IRAK2: variants seen among roughly 807,000 people sequenced by gnomAD.
IRAK2 encodes the protein interleukin-1 receptor-associated kinase-like 2.
Under a neutral mutation model 72.0 loss-of-function variants are expected in IRAK2, and 57 were observed. That is an observed-to-expected ratio of 0.79 (90% confidence interval 0.64 to 0.99). The LOEUF (loss-of-function observed/expected upper bound fraction) is 0.99, where lower values mean the gene tolerates loss of function less well. IRAK2 is among the 50% of genes least tolerant of loss of function. IRAK2 has a pLI of 0.00. For synonymous variants in IRAK2, 293 were observed against 312.7 expected (o/e 0.94, Z 0.67); for missense variants, 790 against 794.4 (o/e 0.99, Z 0.07).
At chr3:10,241,908 G>C (rs900061351) in intron 12 of IRAK2, among the ~76,000 whole-genome samples, 5 of 149,476 alleles carry the variant, frequency 3.3e-5, no homozygotes, top group African/African-American at 1.2e-4. Context: ...GTGAGGTCAA[G>C]GTTGCCTTGA....
intron 3 of IRAK2, among the ~76,000 whole-genome samples, chr3:10,201,674 C>T (rs1281516520): frequency 6.6e-6 from 1 of 152,226 alleles, no homozygotes; most frequent in East Asian, 1.9e-4. Flanking sequence ...AATGGCTCAG[C>T]CAGCAGATGA....
rs186197318 is a variant in IRAK2, at chr3:10,240,413, C to T, written c.1765+1374C>T. Among the ~76,000 whole-genome samples, 663 of 150,386 alleles carry T rather than the reference C, an allele frequency of 4.4e-3. 6 individuals carry two copies. The highest frequency in any genetic ancestry group is 0.015 in the African/African-American group (628 of 40,844). Reference sequence around the variant, plus strand: ...TGGAGGCTGCAGTGAGCCGAGATTGCACCACTGCACTCCAGCCTGGGTGAC... The same window carrying T: ...TGGAGGCTGCAGTGAGCCGAGATTGTACCACTGCACTCCAGCCTGGGTGAC... On this transcript the variant is annotated intron_variant, in intron 12 of 12. Coordinates refer to ENST00000256458, the MANE Select transcript of IRAK2 (RefSeq NM_001570.4).
At chr3:10,225,744 G>T (rs1291170146) in intron 9 of IRAK2, among the ~76,000 whole-genome samples, 1 of 151,224 alleles carries the variant, frequency 6.6e-6, no homozygotes, top group East Asian at 1.9e-4. Flanking sequence ...TGTCGCCCAG[G>T]CTGGAGTGCA....
Position 10,177,997 on chromosome 3 carries a change from G to C in IRAK2, c.254G>C (p.Arg85Pro). ...CTCCTGTGCCGCCTGGAGCTCTACC[G>C]GGCTGCCCAGATCATCCTGAACTGT... is the stretch of plus-strand genomic sequence containing the variant. ...VDLLCRLELY[R>P]AAQIILNWKP... Residue 85 changes from arginine to proline, a missense_variant, in exon 2 of 13, where the codon CGG becomes CCG. Physicochemically the swap from Arg to Pro is moderately radical, Grantham distance 103 (BLOSUM62 -2). Coordinates refer to ENST00000256458, the MANE Select transcript of IRAK2 (RefSeq NM_001570.4). The C allele has an allele frequency of 1.2e-6, 2 of 1,611,162 alleles. No homozygotes were observed. Among genetic ancestry groups the C allele is most frequent in the Non-Finnish European group, 1.7e-6 (2 of 1,178,830 alleles).
intron 3 of IRAK2, among the ~76,000 whole-genome samples, chr3:10,204,664 G>A (rs1310781501): frequency 6.6e-6 from 1 of 152,094 alleles, no homozygotes; most frequent in Non-Finnish European, 1.5e-5. Flanking sequence ...CAGGAGAATT[G>A]CTTGAACCTG....
chr3:10,168,141 G>A (rs1423605245), intron 1 of IRAK2, among the ~76,000 whole-genome samples: 1 of 152,058 alleles, frequency 6.6e-6, no homozygotes, highest in East Asian at 1.9e-4. Flanking sequence ...TTCTAAAGTG[G>A]CTGAACCACC....
intron 1 of IRAK2, among the ~76,000 whole-genome samples, chr3:10,166,940 G>A (rs1339913540): frequency 6.6e-6 from 1 of 152,158 alleles, no homozygotes; most frequent in Non-Finnish European, 1.5e-5. Flanking sequence ...CACTGCTCCT[G>A]GACCTGGCTT....
chr3:10,240,636 G>T (rs1698043271), intron 12 of IRAK2, among the ~76,000 whole-genome samples: 1 of 129,348 alleles, frequency 7.7e-6, no homozygotes, highest in Admixed American at 9.3e-5. Flanking sequence ...CTTGGCTTAT[G>T]GCAGCCTCCG....
At chr3:10,190,510 G>A (rs1035251374) in intron 2 of IRAK2, among the ~76,000 whole-genome samples, 7 of 151,968 alleles carry the variant, frequency 4.6e-5, no homozygotes, top group African/African-American at 1.7e-4. Context: ...TTCCTTCCAT[G>A]CATTCATTAT....
chr3:10,171,106 G>A (rs537469239), intron 1 of IRAK2, among the ~76,000 whole-genome samples: 8 of 152,352 alleles, frequency 5.3e-5, no homozygotes, highest in African/African-American at 1.2e-4. Context: ...TCTTGTCTCC[G>A]TGATGGCAGC....
chr3:10,235,543 G>A (rs1226912609), intron 11 of IRAK2, among the ~76,000 whole-genome samples: 1 of 152,156 alleles, frequency 6.6e-6, no homozygotes, highest in South Asian at 2.1e-4. Context: ...TTTTCAAGTG[G>A]TGTTGGGCAC....
intron 4 of IRAK2, among the ~76,000 whole-genome samples, chr3:10,212,292 T>G (rs1053817158): frequency 2.6e-5 from 4 of 151,152 alleles, no homozygotes; most frequent in Non-Finnish European, 2.9e-5. Flanking sequence ...ACATTATGAG[T>G]TTTTTTTGCA....
chr3:10,200,640 T>C lies in IRAK2; in HGVS notation c.424+125T>C, dbSNP rs913915458. ...GAGGCTGAGCATGGTGGCCCATGCC[T>C]ATAATCCCAGCTCCGTGAGGCTGAG... On this transcript the variant is annotated intron_variant, in intron 3 of 12. Coordinates refer to ENST00000256458, the MANE Select transcript of IRAK2 (RefSeq NM_001570.4). The C allele has an allele frequency of 5.3e-6, 4 of 761,258 alleles. No individual in the cohort carries two copies. In the South Asian group the frequency reaches 8.1e-5, roughly 15 times the overall value. 47.2% of individuals were successfully genotyped at this position (761,258 alleles called of 1,614,324 possible).
chr3:10,169,839 A>G (rs749874033), intron 1 of IRAK2, among the ~76,000 whole-genome samples: 36 of 152,368 alleles, frequency 2.4e-4, no homozygotes, highest in Middle Eastern at 6.8e-3. Context: ...AAATTATAAG[A>G]GTATAAATGT....
At chr3:10,205,745 A>G (rs1453185601) in intron 3 of IRAK2, among the ~76,000 whole-genome samples, 1 of 152,228 alleles carries the variant, frequency 6.6e-6, no homozygotes, top group East Asian at 1.9e-4. Context: ...CATGGATATT[A>G]CTGTTTAACA....
rs202108233 is a variant in IRAK2, at chr3:10,167,522, C to T, written c.94+2474C>T. 2.5e-3 allele frequency among the ~76,000 whole-genome samples: 381 copies of T among 151,976 alleles called. 7 individuals carry two copies. In the South Asian group the frequency reaches 0.032, roughly 13 times the overall value. On this transcript the variant is annotated intron_variant, in intron 1 of 12. Coordinates refer to ENST00000256458, the MANE Select transcript of IRAK2 (RefSeq NM_001570.4). ...CTCCACCTCCTGGGTTCATGCCATT[C>T]TCCTGCTTCAGCCTCCCTAGCAGCT...
Position 10,165,432 on chromosome 3 carries a change from G to GTGT in IRAK2, c.94+384_94+385insTGT, listed in dbSNP as rs1171297125. On this transcript the variant is annotated intron_variant, in intron 1 of 12. Transcript: ENST00000256458. ...CCACGGTGCTGTCACTTCTTGGGGG[G>GTGT]GTGTGTGTGTGTGTGTGTGTGGTGT... Among the ~76,000 whole-genome samples, 841 of 145,724 alleles carry GTGT rather than the reference G, an allele frequency of 5.8e-3. 13 individuals carry two copies. The East Asian group carries it at 0.071, about 12-fold the overall frequency.
intron 12 of IRAK2, among the ~76,000 whole-genome samples, chr3:10,239,883 A>G (rs1698025230): frequency 6.6e-6 from 1 of 152,008 alleles, no homozygotes; most frequent in Non-Finnish European, 1.5e-5. Flanking sequence ...GCGGTGGCTC[A>G]TGCCTGTAAT....
chr3:10,190,189 C>G (rs1321181880), intron 2 of IRAK2, among the ~76,000 whole-genome samples: 2 of 149,514 alleles, frequency 1.3e-5, no homozygotes, highest in South Asian at 4.4e-4. Flanking sequence ...CTTGCCCCAT[C>G]TGGAAAATGG....
Sources: gnomAD v4.1 joint callset for allele counts (sites outside exome capture counted in the v4.1 genomes callset) on GRCh38, gnomAD v4.1.1 for gene constraint, MANE v1.5 for transcripts, NCBI Gene and HGNC (gene_info 2026-07-23, HGNC 2026-07-21) for gene names.